The following PPFIBP2 variants were observed in gnomAD, a reference collection of about 807,000 sequenced individuals.
PPFIBP2 encodes the protein liprin-beta-2.
Under a neutral mutation model 118.3 loss-of-function variants are expected in PPFIBP2, and 118 were observed. That is an observed-to-expected ratio of 1.00 (90% CI 0.86 to 1.16). The LOEUF is 1.16. Among genes scored for constraint, PPFIBP2 ranks in the 50% most tolerant of loss-of-function variants. The pLI is 0.00. For synonymous variants in PPFIBP2, 414 were observed against 397.4 expected (o/e 1.04, Z -0.50); for missense variants, 1,195 against 1,073.1 (o/e 1.11, Z -1.59).
intron 7 of PPFIBP2, among the ~76,000 whole-genome samples, chr11:7,622,421 G>T (rs1849458456): frequency 6.6e-6 from 1 of 152,086 alleles, no homozygotes; most frequent in Admixed American, 6.5e-5. Context: ...AAACATCAGG[G>T]TCTCTCTATC....
chr11:7,666,301 TCACATTTCC>T, the PPFIBP2 span: 1 of 618,032 alleles, frequency 1.6e-6, no homozygotes, highest in Admixed American at 2.9e-5. Flanking sequence ...CCTCAATTTC[TCACATTTCC>T]CATCTGGAGC....
chr11:7,525,650 T>C (rs771619911), intron 1 of PPFIBP2, among the ~76,000 whole-genome samples: 2 of 152,194 alleles, frequency 1.3e-5, no homozygotes, highest in Non-Finnish European at 2.9e-5. Flanking sequence ...CCAAACCAGC[T>C]GGATGAGATG....
chr11:7,537,606 C>T (rs183422724), intron 1 of PPFIBP2, among the ~76,000 whole-genome samples: 18 of 152,308 alleles, frequency 1.2e-4, no homozygotes, highest in Admixed American at 7.2e-4. Context: ...TCTTTCTGAG[C>T]GGTTCAGAAG....
chr11:7,666,819 CCTTAGCCAAG>C, the PPFIBP2 span: 1 of 315,380 alleles, frequency 3.2e-6, no homozygotes, highest in East Asian at 7.4e-5. Context: ...ACTAGAAGGA[CCTTAGCCAAG>C]CGCTGGCCAG....
At chr11:7,568,849 T>G (rs1855311605) in intron 3 of PPFIBP2, 1 of 152,252 alleles carries the variant, frequency 6.6e-6, no homozygotes, top group Non-Finnish European at 1.5e-5. Flanking sequence ...TGAAGAAGCG[T>G]TAAGTGTAAA....
chr11:7,607,570 T>C (rs533625902), intron 5 of PPFIBP2, among the ~76,000 whole-genome samples: 1 of 152,222 alleles, frequency 6.6e-6, no homozygotes, highest in East Asian at 1.9e-4. Context: ...TATTAGTAAT[T>C]GTCATGTATC....
At position 7,535,251 on chromosome 11, in the gene PPFIBP2, A is replaced by G. The variant is rs573970646; in HGVS notation, c.-36-14189A>G. ...AACAGGCAGGGGTGGGGATGCTGTC[A>G]TAGAGAAAACTTGCCTGAGCATTGA... is the stretch of plus-strand genomic sequence containing the variant. On this transcript the variant is annotated intron_variant, in intron 1 of 23. Transcript: ENST00000299492. Among the ~76,000 whole-genome samples, 5 of 152,362 alleles carry G rather than the reference A, an allele frequency of 3.3e-5. No homozygotes were observed. The South Asian group carries it at 6.2e-4, about 19-fold the overall frequency.
chr11:7,593,216 A>C lies in PPFIBP2; in HGVS notation c.364A>C (p.Ile122Leu), dbSNP rs200057122. Residue 122 changes from isoleucine to leucine, a missense_variant, in exon 4 of 24, where the codon ATA becomes CTA. Ile to Leu is a conservative substitution (Grantham distance 5). Coordinates refer to ENST00000299492, the MANE Select transcript of PPFIBP2 (RefSeq NM_003621.5). ...ARLEGDKESL[I>L]LQVSVLTDQV... ...TCTAGAAGGGGATAAGGAGTCCCTC[A>C]TATTGCAGGTGGGTACTTTTTGGTG... The C allele has an allele frequency of 1.3e-5, 21 of 1,613,870 alleles. No homozygotes were observed. In the East Asian group the frequency reaches 4.0e-4, roughly 31 times the overall value.
chr11:7,650,918 G>A lies in PPFIBP2; in HGVS notation c.2200G>A (p.Glu734Lys), dbSNP rs779434669. 24 of 1,614,130 alleles carry A rather than the reference G, an allele frequency of 1.5e-5. 1 individual carries two copies. The South Asian group carries it at 2.5e-4, about 17-fold the overall frequency. The change falls in exon 22 of 24, where the codon GAG (glutamate) becomes AAG (lysine). Residue 734 changes from glutamate (E) to lysine (K), a missense_variant. Coordinates refer to ENST00000299492, the MANE Select transcript of PPFIBP2 (RefSeq NM_003621.5). Reference protein sequence around the residue: ...MEWLRSVDLAEYAPNLRGSGV... With the variant: ...MEWLRSVDLAKYAPNLRGSGV... ...GTGGTTACGATCTGTGGACCTGGCA[G>A]AGTATGCACCCAATCTTCGAGGGAG...
At chr11:7,584,659 T>C (rs1857809877) in intron 3 of PPFIBP2, among the ~76,000 whole-genome samples, 1 of 152,238 alleles carries the variant, frequency 6.6e-6, no homozygotes, top group Non-Finnish European at 1.5e-5. Context: ...ACACTCATAC[T>C]ACTGGGTTCC....
At chr11:7,596,256 C>A (rs1250011107) in intron 4 of PPFIBP2, among the ~76,000 whole-genome samples, 1 of 152,210 alleles carries the variant, frequency 6.6e-6, no homozygotes, top group Non-Finnish European at 1.5e-5. Flanking sequence ...AAGCCCACCC[C>A]CAGAGTCCTG....
At chr11:7,607,269 A>G (rs1311390077) in intron 5 of PPFIBP2, among the ~76,000 whole-genome samples, 2 of 142,960 alleles carry the variant, frequency 1.4e-5, no homozygotes, top group African/African-American at 2.6e-5. Flanking sequence ...GCACTGTGGC[A>G]TGATCACAGC....
chr11:7,552,739 T>G (rs753955869), intron 2 of PPFIBP2, among the ~76,000 whole-genome samples: 2 of 152,176 alleles, frequency 1.3e-5, no homozygotes, highest in Non-Finnish European at 2.9e-5. Flanking sequence ...TGTATCTCAC[T>G]TTAACCATGA....
chr11:7,541,594 C>T (rs1851790625), intron 1 of PPFIBP2, among the ~76,000 whole-genome samples: 1 of 152,140 alleles, frequency 6.6e-6, no homozygotes, highest in South Asian at 2.1e-4. Flanking sequence ...TTCAGGGAGT[C>T]CTGGGGCTTC....
intron 3 of PPFIBP2, among the ~76,000 whole-genome samples, chr11:7,591,799 G>A (rs958965215): frequency 6.6e-6 from 1 of 152,318 alleles, no homozygotes; most frequent in South Asian, 2.1e-4. Flanking sequence ...TCACTAGTGC[G>A]CATCCAGGGT....
At chr11:7,665,168 G>C in the PPFIBP2 span, 1 of 462,408 alleles carries the variant, frequency 2.2e-6, no homozygotes, top group African/African-American at 2.0e-5. Context: ...GCTCTTTCCA[G>C]CCTCCAAGCA....
chr11:7,585,219 C>T (rs1857922945), intron 3 of PPFIBP2, among the ~76,000 whole-genome samples: 1 of 152,114 alleles, frequency 6.6e-6, no homozygotes, highest in Non-Finnish European at 1.5e-5. Context: ...CTTTACCTGG[C>T]CAAGATGACA....
rs1383499568 is a variant in PPFIBP2 at position 7,634,509 on chromosome 11, T to C, written c.1151T>C (p.Leu384Pro). Residue 384 changes from leucine (L) to proline (P), a missense_variant, in exon 13 of 24, where the codon CTC (leucine) becomes CCC (proline). Transcript: ENST00000299492. ...KSLETRAQKK[L>P]SCSLEDLRSE... ...GTTTTTTTCAGGGCTCAGAAAAAGC[T>C]CTCTTGTAGTCTAGAAGACTTGAGA... The C allele has an allele frequency of 1.9e-6, 3 of 1,612,774 alleles. No individual in the cohort carries two copies. The highest frequency in any genetic ancestry group is 2.5e-6 in the Non-Finnish European group (3 of 1,178,906).
intron 5 of PPFIBP2, among the ~76,000 whole-genome samples, chr11:7,601,116 A>G (rs924665490): frequency 1.3e-5 from 2 of 152,178 alleles, no homozygotes; most frequent in African/African-American, 4.8e-5. Flanking sequence ...TCTCCTGACC[A>G]ATGTCAACCT....
Sources: gnomAD v4.1 joint callset for allele counts (sites outside exome capture counted in the v4.1 genomes callset) on GRCh38, gnomAD v4.1.1 for gene constraint, MANE v1.5 for transcripts, NCBI Gene and HGNC (gene_info 2026-07-23, HGNC 2026-07-21) for gene names.